SLC37A3: variants seen among roughly 807,000 people sequenced by gnomAD.
SLC37A3 encodes the protein sugar phosphate exchanger 3.
A neutral mutation model predicts 67.1 loss-of-function variants in SLC37A3; 51 were observed. The observed-to-expected ratio is 0.76, with a 90% CI of 0.61 to 0.96. SLC37A3 has a LOEUF of 0.96. Ranked by LOEUF, SLC37A3 falls within the 40% of genes least tolerant of loss-of-function variation. The pLI is 0.00. For synonymous variants in SLC37A3, 214 were observed against 231.4 expected, an observed-to-expected ratio of 0.92 and a Z score of 0.68; for missense variants, 508 against 603.0, an observed-to-expected ratio of 0.84 and a Z score of 1.65.
At position 140,363,199 on chromosome 7, in the gene SLC37A3, G is replaced by A. The variant is rs1451796406; in HGVS notation, c.375+1209C>T. ...CGACCCCGTCTGGGAGGTGTGCCCA[G>A]CGGCTCATTGGGGATGGGCCATGAT... On this transcript the variant is annotated intron_variant, in intron 5 of 14. Coordinates refer to ENST00000326232, the MANE Select transcript of SLC37A3 (RefSeq NM_207113.3). Among the ~76,000 whole-genome samples the A allele has an allele frequency of 4.1e-4, 35 of 85,898 alleles. 3 individuals are homozygous for A. The highest frequency in any genetic ancestry group is 1.4e-3 in the African/African-American group (33 of 23,054). The allele number at this position is 85,898 out of a possible 152,430, so 56.4% of individuals were successfully genotyped here.
intron 5 of SLC37A3, among the ~76,000 whole-genome samples, chr7:140,361,221 A>C (rs1396745893): frequency 2.0e-5 from 2 of 101,136 alleles, no homozygotes; most frequent in African/African-American, 2.9e-5. Flanking sequence ...GGTGGCTCAC[A>C]CCTGTAATCC....
chr7:140,353,967 C>G (rs574778437), intron 7 of SLC37A3, among the ~76,000 whole-genome samples: 1 of 152,308 alleles, frequency 6.6e-6, no homozygotes, highest in East Asian at 1.9e-4. Context: ...GCCTCAGCCT[C>G]CCAAAGTGCT....
Position 140,358,697 on chromosome 7 carries a change from T to C in SLC37A3, c.464A>G (p.Gln155Arg). 1 of 1,614,176 alleles carries C rather than the reference T, an allele frequency of 6.2e-7. No individual in the cohort carries two copies. The highest frequency in any genetic ancestry group is 1.3e-5 in the African/African-American group (1 of 75,056). Residue 155 changes from glutamine to arginine, a missense_variant, in exon 6 of 15, where the codon CAG (glutamine) becomes CGG (arginine). Transcript: ENST00000326232. ...AACCACACAGGGCCAACCAGTGGACTGCAGCAGGCCGTTCACAATCCACAG... is the reference window on the plus strand; with the variant it reads ...AACCACACAGGGCCAACCAGTGGACCGCAGCAGGCCGTTCACAATCCACAG... ...CCLWIVNGLL[Q>R]STGWPCVVAV...
intron 13 of SLC37A3, among the ~76,000 whole-genome samples, chr7:140,340,047 T>G (rs1336405507): frequency 6.6e-6 from 1 of 152,170 alleles, no homozygotes; most frequent in African/African-American, 2.4e-5. Flanking sequence ...CCTTTCCTGT[T>G]TTTTAATTAC....
At chr7:140,367,400 C>T (rs1797645365) in intron 4 of SLC37A3, among the ~76,000 whole-genome samples, 1 of 152,120 alleles carries the variant, frequency 6.6e-6, no homozygotes, top group South Asian at 2.1e-4. Context: ...AGCACCATTG[C>T]ACTCCAGCCT....
At chr7:140,364,188 T>C (rs1585313947) in intron 5 of SLC37A3, among the ~76,000 whole-genome samples, 1 of 150,616 alleles carries the variant, frequency 6.6e-6, no homozygotes, top group African/African-American at 2.4e-5. Flanking sequence ...GAGGCAGAGG[T>C]TGCAGTGAGC....
intron 3 of SLC37A3, among the ~76,000 whole-genome samples, chr7:140,373,015 G>A (rs867483848): frequency 1.4e-4 from 22 of 152,210 alleles, no homozygotes; most frequent in Admixed American, 1.2e-3. Context: ...GCAATGGCGC[G>A]ATCTCGGCTC....
At chr7:140,381,754 G>A (rs997432570) in intron 2 of SLC37A3, among the ~76,000 whole-genome samples, 12 of 151,374 alleles carry the variant, frequency 7.9e-5, no homozygotes, top group Non-Finnish European at 1.5e-4. Flanking sequence ...CAAACAGGGT[G>A]ATGAAAATAA....
At chr7:140,348,362 C>G (rs1198859961) in intron 10 of SLC37A3, 6 of 294,128 alleles carry the variant, frequency 2.0e-5, no homozygotes, top group Non-Finnish European at 3.7e-5. Context: ...ACTGATCCAT[C>G]AACAAAGGAC....
At position 140,337,389 on chromosome 7, in the gene SLC37A3, T is replaced by C. The variant is rs1796186358; in HGVS notation, c.1327-40A>G. ...AAAAAAATTACAATATAATTCTTTA[T>C]AATTCATAAAAGGAAGCAGCTAAAA... On this transcript the variant is annotated intron_variant, in intron 13 of 14. Coordinates refer to ENST00000326232, the MANE Select transcript of SLC37A3 (RefSeq NM_207113.3). The C allele has an allele frequency of 2.7e-6, 4 of 1,482,392 alleles. No individual in the cohort carries two copies. The African/African-American group carries it at 4.3e-5, about 16-fold the overall frequency. 91.8% of individuals were successfully genotyped at this position (1,482,392 alleles called of 1,614,324 possible).
intron 4 of SLC37A3, among the ~76,000 whole-genome samples, chr7:140,367,798 A>G (rs1055734378): frequency 1.4e-5 from 2 of 143,328 alleles, no homozygotes; most frequent in African/African-American, 2.6e-5. Flanking sequence ...CCAGGGTGCT[A>G]CCTCTCCAGG....
At chr7:140,337,498 A>G in intron 13 of SLC37A3, 149 bp from the exon 14 acceptor site, 1 of 567,514 alleles carries the variant, frequency 1.8e-6, no homozygotes, top group Non-Finnish European at 3.0e-6. Flanking sequence ...TTCCACATAC[A>G]TGTGCCTGCT....
At chr7:140,362,548 T>TG (rs544981121) in intron 5 of SLC37A3, among the ~76,000 whole-genome samples, 3 of 74,234 alleles carry the variant, frequency 4.0e-5, no homozygotes, top group South Asian at 9.8e-4. Context: ...GGGAGGGAGG[T>TG]GGGGGGTCAG....
At chr7:140,345,103 T>C in intron 12 of SLC37A3, 113 bp downstream of exon 12, 1 of 910,118 alleles carries the variant, frequency 1.1e-6, no homozygotes, top group South Asian at 1.6e-5. Flanking sequence ...AAAATTTGAA[T>C]TCTCTGTAAT....
At chr7:140,355,618 G>T in intron 7 of SLC37A3, 50 bp downstream of exon 7, 3 of 1,479,508 alleles carry the variant, frequency 2.0e-6, no homozygotes, top group Non-Finnish European at 2.8e-6. Flanking sequence ...CAATACACAT[G>T]TGCACACAGA....
chr7:140,384,806 A>G (rs1288569251), intron 1 of SLC37A3, among the ~76,000 whole-genome samples: 1 of 152,208 alleles, frequency 6.6e-6, no homozygotes, highest in African/African-American at 2.4e-5. Context: ...TAAATCTACA[A>G]CAGTAGTCAA....
At chr7:140,342,525 G>A (rs954327003) in intron 13 of SLC37A3, among the ~76,000 whole-genome samples, 1 of 152,054 alleles carries the variant, frequency 6.6e-6, no homozygotes, top group African/African-American at 2.4e-5. Context: ...CACTTCCACA[G>A]GTTCAACTAT....
In SLC37A3 at chr7:140,335,361, C is replaced by T; in HGVS notation, c.*51G>A. The T allele has an allele frequency of 1.9e-6, 3 of 1,614,104 alleles. No homozygotes were observed. Among genetic ancestry groups the T allele is most frequent in the Non-Finnish European group, 2.5e-6 (3 of 1,180,026 alleles). On this transcript the variant is annotated 3_prime_UTR_variant, in exon 15 of 15. Coordinates refer to ENST00000326232, the MANE Select transcript of SLC37A3 (RefSeq NM_207113.3). ...CCCAAATTAGGGCAGACTCGAAGCC[C>T]CAGCGGTCCTGATGTGGCTGACATT... is the stretch of plus-strand genomic sequence containing the variant.
chr7:140,383,229 A>G (rs1798325207), intron 1 of SLC37A3, among the ~76,000 whole-genome samples: 1 of 151,838 alleles, frequency 6.6e-6, no homozygotes, highest in African/African-American at 2.4e-5. Flanking sequence ...CCAGGGATCT[A>G]TTCCTTAAAA....
Sources: allele counts gnomAD v4.1 joint callset (sites outside exome capture counted in the v4.1 genomes callset), GRCh38; gene constraint gnomAD v4.1.1; transcripts MANE v1.5; gene names NCBI Gene and HGNC (gene_info 2026-07-23, HGNC 2026-07-21).